AP5M1: variants seen among roughly 807,000 people sequenced by gnomAD.
The protein encoded by AP5M1 is adaptor related protein complex 5 subunit mu 1.
A neutral mutation model predicts 52.3 loss-of-function variants in AP5M1; 44 were observed. The ratio of observed to expected loss-of-function variants is 0.84; its 90% CI spans 0.66 to 1.08. The LOEUF is 1.08. Ranked by LOEUF, AP5M1 falls within the 50% of genes least tolerant of loss-of-function variation. The probability of loss-of-function intolerance (pLI) is 0.00; values close to 1 mark genes in which losing one functional copy is unlikely to be tolerated. For missense variants in AP5M1, 526 were observed against 568.4 expected (o/e 0.93, Z 0.76); for synonymous variants, 213 against 199.0 (o/e 1.07, Z -0.59).
chr14:57,290,816 TC>T lies in AP5M1; in HGVS notation c.*1933del, dbSNP rs1249181774. The T allele has an allele frequency of 1.3e-5, 2 of 151,910 alleles. No homozygotes were observed. The highest frequency in any genetic ancestry group is 2.9e-5 in the Non-Finnish European group (2 of 67,898). The allele number at this position is 151,910 out of a possible 1,614,324, so 9.4% of individuals were successfully genotyped here. A position where few individuals can be genotyped will look rare whatever the true frequency, so the allele number is the denominator to read the frequency against. On this transcript the variant is annotated 3_prime_UTR_variant, in exon 8 of 8. Coordinates refer to ENST00000261558, the MANE Select transcript of AP5M1 (RefSeq NM_018229.4). ...TGATTTTGTCTAGAAACCTGTCACT[TC>T]AGGATAATTTCTGAAGACAAAGTCT...
At chr14:57,275,816 T>C (rs958446192) in intron 2 of AP5M1, among the ~76,000 whole-genome samples, 10 of 152,140 alleles carry the variant, frequency 6.6e-5, no homozygotes, top group South Asian at 2.1e-4. Flanking sequence ...TAAATAACAA[T>C]ACAGTTAGCA....
Position 57,294,796 on chromosome 14 carries a change from T to C in AP5M1, c.*5912T>C, listed in dbSNP as rs1347377020. The C allele has an allele frequency of 6.6e-6, 1 of 151,938 alleles. No individual in the cohort carries two copies. Among genetic ancestry groups the C allele is most frequent in the Non-Finnish European group, 1.5e-5 (1 of 67,864 alleles). 9.4% of individuals were successfully genotyped at this position (151,938 alleles called of 1,614,324 possible). On this transcript the variant is annotated 3_prime_UTR_variant, in exon 8 of 8. Coordinates refer to ENST00000261558, the MANE Select transcript of AP5M1 (RefSeq NM_018229.4). ...TGTTTCCCATTATGTTTCTAGAATA[T>C]TACACATTTGGAGTAAGCCTTGCTT... is the stretch of plus-strand genomic sequence containing the variant.
Position 57,273,095 on chromosome 14 carries a change from A to G in AP5M1, c.75-1149A>G, listed in dbSNP as rs539877708. 1.8e-4 allele frequency among the ~76,000 whole-genome samples: 28 copies of G among 152,042 alleles called. No homozygotes were observed. The South Asian group carries it at 5.8e-3, about 32-fold the overall frequency. ...GCCAGGATCACAGGCGTGCACCACC[A>G]CAACCAGCTAATTTGTGTATTTTTA... On this transcript the variant is annotated intron_variant, in intron 1 of 7. Transcript: ENST00000261558.
rs1481801702 is a variant in AP5M1 at position 57,269,271 on chromosome 14, G to A, written c.-44G>A. On this transcript the variant is annotated 5_prime_UTR_variant, in exon 1 of 8. Transcript: ENST00000261558. Reference sequence around the variant, plus strand: ...AGCCGGTCTGCGCTGTTCCTCGGTGGCGACCTTAATTATGAGATGAGCTAA... The same window carrying A: ...AGCCGGTCTGCGCTGTTCCTCGGTGACGACCTTAATTATGAGATGAGCTAA... The A allele has an allele frequency of 1.3e-6, 2 of 1,592,564 alleles. No homozygotes were observed. Among genetic ancestry groups the A allele is most frequent in the South Asian group, 2.2e-5 (2 of 90,624 alleles).
In AP5M1 at chr14:57,290,307, A is replaced by G. The variant is rs1360130742; in HGVS notation, c.*1423A>G. On this transcript the variant is annotated 3_prime_UTR_variant, in exon 8 of 8. Transcript: ENST00000261558. The stretch of plus-strand genomic sequence containing the variant: ...ATCCCAAGTAACAAAGAAAAAAAGA[A>G]TAACTGCCTGACCAGGATTTTAACT... 2 of 152,002 alleles carry G rather than the reference A, an allele frequency of 1.3e-5. No individual in the cohort carries two copies. The allele number at this position is 152,002 out of a possible 1,614,324, so 9.4% of individuals were successfully genotyped here. A position where few individuals can be genotyped will look rare whatever the true frequency, so the allele number is the denominator to read the frequency against.
In AP5M1 at chr14:57,297,366, G is replaced by T. The variant is rs1005085418; in HGVS notation, c.*8482G>T. ...GATTTACCTCTGCCTTATCAGTGAA[G>T]AAAATATGATGTCTATATAGAATTA... On this transcript the variant is annotated 3_prime_UTR_variant, in exon 8 of 8. Transcript: ENST00000261558. 6 of 152,096 alleles carry T rather than the reference G, an allele frequency of 3.9e-5. No individual in the cohort carries two copies. The highest frequency in any genetic ancestry group is 9.6e-5 in the African/African-American group (4 of 41,512). The allele number at this position is 152,096 out of a possible 1,614,324, so 9.4% of individuals were successfully genotyped here.
chr14:57,279,127 C>T (rs115107929), intron 2 of AP5M1, among the ~76,000 whole-genome samples: 1,844 of 152,274 alleles, frequency 0.012, 44 homozygotes, highest in African/African-American at 0.042. Flanking sequence ...GTGGCGATTC[C>T]TCAAAGACAT....
intron 1 of AP5M1, among the ~76,000 whole-genome samples, chr14:57,272,944 T>G (rs1317862257): frequency 6.6e-6 from 1 of 152,132 alleles, no homozygotes; most frequent in Admixed American, 6.6e-5. Flanking sequence ...GTTTGTTTTT[T>G]GAGATGGAGT....
intron 2 of AP5M1, among the ~76,000 whole-genome samples, chr14:57,275,854 C>G (rs560528145): frequency 3.5e-4 from 54 of 152,246 alleles, no homozygotes; most frequent in African/African-American, 1.3e-3. Context: ...GAATAATGAT[C>G]AAAAATAAAA....
intron 1 of AP5M1, chr14:57,273,599 C>A: frequency 1.7e-6 from 1 of 591,708 alleles, no homozygotes; most frequent in South Asian, 2.2e-5. Context: ...CAGTTCAACT[C>A]AGAATATGCA....
chr14:57,274,371 T>G lies in AP5M1; in HGVS notation c.202T>G (p.Phe68Val). 1 of 1,614,186 alleles carries G rather than the reference T, an allele frequency of 6.2e-7. No homozygotes were observed. Among genetic ancestry groups the G allele is most frequent in the Non-Finnish European group, 8.5e-7 (1 of 1,180,024 alleles). ...ELRLLDDDKD[F>V]VESRDSCSRI... Reference sequence around the variant, plus strand: ...TAGATTATTGGATGATGATAAAGACTTCGTTGAGAGTCGTGATAGCTGTTC... The same window carrying G: ...TAGATTATTGGATGATGATAAAGACGTCGTTGAGAGTCGTGATAGCTGTTC... The change falls in exon 2 of 8, where the codon TTC becomes GTC. Residue 68 changes from phenylalanine (F) to valine (V), a missense_variant. Physicochemically the swap from Phe to Val is conservative, Grantham distance 50. Coordinates refer to ENST00000261558, the MANE Select transcript of AP5M1 (RefSeq NM_018229.4).
chr14:57,274,387 A>G lies in AP5M1; in HGVS notation c.218A>G (p.Asp73Gly). The change falls in exon 2 of 8, where the codon GAT (aspartate) becomes GGT (glycine). Residue 73 changes from aspartate to glycine, a missense_variant. Physicochemically the swap from Asp to Gly is moderately conservative, Grantham distance 94 (BLOSUM62 -1). Transcript: ENST00000261558. The stretch of plus-strand genomic sequence containing the variant: ...GATAAAGACTTCGTTGAGAGTCGTG[A>G]TAGCTGTTCACGCATCAATAAAACA... ...DDDKDFVESRDSCSRINKTSI... is the reference protein window; with the variant it reads ...DDDKDFVESRGSCSRINKTSI... 1.9e-6 allele frequency: 3 copies of G among 1,614,168 alleles called. No individual in the cohort carries two copies. The highest frequency in any genetic ancestry group is 2.5e-6 in the Non-Finnish European group (3 of 1,180,036).
At chr14:57,284,399 A>G (rs1015982055) in intron 6 of AP5M1, among the ~76,000 whole-genome samples, 1 of 152,198 alleles carries the variant, frequency 6.6e-6, no homozygotes, top group African/African-American at 2.4e-5. Flanking sequence ...AGTAGGGGAT[A>G]GTCTTTCACA....
At chr14:57,269,868 G>T (rs1043070006) in intron 1 of AP5M1, among the ~76,000 whole-genome samples, 9 of 152,144 alleles carry the variant, frequency 5.9e-5, no homozygotes, top group Non-Finnish European at 1.0e-4. Flanking sequence ...GAGTGCAGTG[G>T]TGCGATCTCC....
chr14:57,279,033 A>T (rs1183715177), intron 2 of AP5M1, among the ~76,000 whole-genome samples: 1 of 152,198 alleles, frequency 6.6e-6, no homozygotes, highest in Non-Finnish European at 1.5e-5. Context: ...AAAAAACAAC[A>T]GGTGCTGGCA....
At chr14:57,272,686 G>A (rs999743511) in intron 1 of AP5M1, among the ~76,000 whole-genome samples, 12 of 152,188 alleles carry the variant, frequency 7.9e-5, no homozygotes, top group African/African-American at 2.6e-4. Context: ...TGGAAAACTA[G>A]ATAATAAGAG....
chr14:57,274,860 T>G lies in AP5M1; in HGVS notation c.691T>G (p.Trp231Gly). Residue 231 changes from tryptophan to glycine, a missense_variant, in exon 2 of 8, where the codon TGG (tryptophan) becomes GGG (glycine). Coordinates refer to ENST00000261558, the MANE Select transcript of AP5M1 (RefSeq NM_018229.4). ...TGATAAACAGGGTATAGCAGATACATGGCAAGTTGTTGGAACAGTGACTTG... is the reference window on the plus strand; with the variant it reads ...TGATAAACAGGGTATAGCAGATACAGGGCAAGTTGTTGGAACAGTGACTTG... ...QYDKQGIADT[W>G]QVVGTVTCKC... The G allele has an allele frequency of 6.2e-7, 1 of 1,614,200 alleles. No individual in the cohort carries two copies. The highest frequency in any genetic ancestry group is 1.1e-5 in the South Asian group (1 of 91,084).
Position 57,289,290 on chromosome 14 carries a change from C to T in AP5M1, c.*406C>T, listed in dbSNP as rs1885383996. ...TAGTTCAGAGATTCAGGCAGCCACT[C>T]CCAGTGGGTTGTAGATAATGTGCAA... On this transcript the variant is annotated 3_prime_UTR_variant, in exon 8 of 8. Transcript: ENST00000261558. 6.5e-6 allele frequency: 1 copy of T among 153,984 alleles called. No individual in the cohort carries two copies. Among genetic ancestry groups the T allele is most frequent in the Non-Finnish European group, 1.4e-5 (1 of 69,550 alleles). 9.5% of individuals were successfully genotyped at this position (153,984 alleles called of 1,614,324 possible).
intron 6 of AP5M1, among the ~76,000 whole-genome samples, chr14:57,285,203 A>G (rs1206134150): frequency 2.6e-5 from 4 of 152,192 alleles, no homozygotes; most frequent in African/African-American, 7.2e-5. Flanking sequence ...CATTTCTTCT[A>G]TCTTGGCTTC....
Sources: allele counts gnomAD v4.1 joint callset (sites outside exome capture counted in the v4.1 genomes callset), GRCh38; gene constraint gnomAD v4.1.1; transcripts MANE v1.5; gene names NCBI Gene and HGNC (gene_info 2026-07-23, HGNC 2026-07-21).